The following NRG1 variants were observed in gnomAD, a reference collection of about 807,000 sequenced individuals.
The protein encoded by NRG1 is pro-neuregulin-1, membrane-bound isoform.
NRG1 carries 18 observed loss-of-function variants against 63.8 expected under a neutral mutation model. That is an observed-to-expected ratio of 0.28 (90% CI 0.19 to 0.42). The LOEUF is 0.42. Ranked by LOEUF, NRG1 falls within the 10% of genes least tolerant of loss-of-function variation. NRG1 has a pLI of 1.00. For missense variants in NRG1, 762 were observed against 814.7 expected, an observed-to-expected ratio of 0.94 and a Z score of 0.79; for synonymous variants, 302 against 301.3, an observed-to-expected ratio of 1.00 and a Z score of -0.02.
chr8:32,742,798 T>A lies in NRG1; in HGVS notation c.691+65T>A. On this transcript the variant is annotated intron_variant, in intron 7 of 11. Coordinates refer to ENST00000356819, the Ensembl canonical transcript of NRG1. This position sits in a 1 kb window ranked among gnomAD's most constrained non-coding sequence, Gnocchi z 4.2. ...ATGCTCAGTTGGTGCTGCTTTCTTG[T>A]TGCTGCATCTCCCCTCAGATTCCAC... The A allele has an allele frequency of 6.2e-7, 1 of 1,613,190 alleles. No individual in the cohort carries two copies. Among genetic ancestry groups the A allele is most frequent in the Non-Finnish European group, 8.5e-7 (1 of 1,179,326 alleles).
chr8:31,724,508 A>G (rs1248020829), intron 1 of NRG1, among the ~76,000 whole-genome samples: 2 of 152,162 alleles, frequency 1.3e-5, no homozygotes, highest in Non-Finnish European at 2.9e-5. Context: ...CATGCTTTCC[A>G]AGAGTTTAGT....
intron 1 of NRG1, among the ~76,000 whole-genome samples, chr8:31,680,698 T>A (rs1808246499): frequency 6.6e-6 from 1 of 151,894 alleles, no homozygotes; most frequent in Non-Finnish European, 1.5e-5. Context: ...TAGTTCTAGA[T>A]CCCTGAGGAA....
intron 5 of NRG1, chr8:32,721,686 A>G: frequency 2.9e-6 from 1 of 348,230 alleles, no homozygotes; most frequent in Non-Finnish European, 4.8e-6. Flanking sequence ...TCAGCAAAGG[A>G]TTGAATGACT....
At chr8:32,163,872 G>C (rs1839122671) in intron 1 of NRG1, among the ~76,000 whole-genome samples, 1 of 152,160 alleles carries the variant, frequency 6.6e-6, no homozygotes, top group Non-Finnish European at 1.5e-5. Flanking sequence ...TTAAATTGCA[G>C]GCTTGGGTTT....
chr8:32,099,857 A>C (rs1830343959), intron 1 of NRG1: 1 of 152,272 alleles, frequency 6.6e-6, no homozygotes, highest in African/African-American at 2.4e-5. Context: ...TCAACTGTAC[A>C]TAGTTGCAGA....
intron 1 of NRG1, among the ~76,000 whole-genome samples, chr8:32,109,050 C>T (rs1312630552): frequency 6.6e-6 from 1 of 152,194 alleles, no homozygotes; most frequent in Admixed American, 6.5e-5. Context: ...ATACAGCTTA[C>T]TGCTGCAACA....
At chr8:32,222,063 ACATG>A (rs1845880454) in intron 1 of NRG1, among the ~76,000 whole-genome samples, 1 of 150,324 alleles carries the variant, frequency 6.7e-6, no homozygotes, top group Non-Finnish European at 1.5e-5. Context: ...ACACACACAC[ACATG>A]CACACACACT....
intron 1 of NRG1, among the ~76,000 whole-genome samples, chr8:32,551,358 TGTC>T: frequency 6.6e-6 from 1 of 152,348 alleles, no homozygotes; most frequent in Non-Finnish European, 1.5e-5. Context: ...CCACTGCAAC[TGTC>T]TGTCCTTGAT....
chr8:31,852,244 A>G (rs1178672891), intron 1 of NRG1, among the ~76,000 whole-genome samples: 2 of 151,922 alleles, frequency 1.3e-5, no homozygotes, highest in Non-Finnish European at 2.9e-5. Flanking sequence ...AATTGTTCCT[A>G]TTTCTCCACA....
chr8:32,279,553 A>G (rs1852474638), intron 1 of NRG1, among the ~76,000 whole-genome samples: 2 of 152,078 alleles, frequency 1.3e-5, no homozygotes, highest in South Asian at 2.1e-4. Flanking sequence ...GGGTTTCACT[A>G]TGTTGGCCAG....
At chr8:32,261,457 C>G (rs898160402) in intron 1 of NRG1, among the ~76,000 whole-genome samples, 4 of 151,750 alleles carry the variant, frequency 2.6e-5, no homozygotes. Flanking sequence ...GGAGGCTTTT[C>G]TTACTAGCCT....
At chr8:32,648,232 C>A in intron 5 of NRG1, 4 of 1,614,030 alleles carry the variant, frequency 2.5e-6, no homozygotes, top group Non-Finnish European at 3.4e-6. Context: ...TCAGCGGCAC[C>A]GACACCGAAG....
chr8:31,763,049 A>G (rs1351706991), intron 1 of NRG1, among the ~76,000 whole-genome samples: 1 of 152,206 alleles, frequency 6.6e-6, no homozygotes, highest in Non-Finnish European at 1.5e-5. Context: ...CATCATATTT[A>G]ACAGAATAAA....
At chr8:32,159,325 G>A (rs1167454083) in intron 1 of NRG1, among the ~76,000 whole-genome samples, 1 of 151,318 alleles carries the variant, frequency 6.6e-6, no homozygotes, top group South Asian at 2.1e-4. Context: ...ATGAGGTCAG[G>A]AGATCGAGAC....
intron 1 of NRG1, among the ~76,000 whole-genome samples, chr8:31,923,145 C>A (rs747278464): frequency 2.6e-5 from 4 of 152,000 alleles, no homozygotes; most frequent in Admixed American, 6.6e-5. Flanking sequence ...TTTTTAGAAA[C>A]CTTCACTATG....
upstream of NRG1, among the ~76,000 whole-genome samples, chr8:32,545,073 GC>G (rs1325110344): frequency 6.6e-6 from 1 of 152,094 alleles, no homozygotes; most frequent in Non-Finnish European, 1.5e-5. Flanking sequence ...ATAATATTTT[GC>G]CAAAAATGCA....
chr8:31,771,081 A>G (rs1818576305), intron 1 of NRG1, among the ~76,000 whole-genome samples: 2 of 152,244 alleles, frequency 1.3e-5, no homozygotes, highest in South Asian at 4.1e-4. Flanking sequence ...TTGTGTAACC[A>G]CCACTACAAT....
At chr8:32,532,620 A>C (rs1381032927) in intron 1 of NRG1, among the ~76,000 whole-genome samples, 1 of 152,050 alleles carries the variant, frequency 6.6e-6, no homozygotes, top group Non-Finnish European at 1.5e-5. Flanking sequence ...ATTTTAGACA[A>C]TGATACTTTC....
chr8:32,166,821 C>T (rs542212866), intron 1 of NRG1, among the ~76,000 whole-genome samples: 1 of 152,242 alleles, frequency 6.6e-6, no homozygotes, highest in Admixed American at 6.5e-5. Context: ...AAATCATAGC[C>T]AGTTTCAGAC....
Sources: allele counts gnomAD v4.1 joint callset (sites outside exome capture counted in the v4.1 genomes callset), GRCh38; gene constraint gnomAD v4.1.1; non-coding constraint Gnocchi (gnomAD v3.1); transcripts MANE v1.5; gene names NCBI Gene and HGNC (gene_info 2026-07-23, HGNC 2026-07-21).